The following CYB5R4 variants were observed in gnomAD, a reference collection of about 807,000 sequenced individuals.
The protein encoded by CYB5R4 is N-terminal cytochrome b5 and cytochrome b5 oxidoreductase domain-containing protein.
CYB5R4 carries 55 observed loss-of-function variants against 70.2 expected under a neutral mutation model. The ratio of observed to expected loss-of-function variants is 0.78; its 90% CI spans 0.63 to 0.98. The LOEUF is 0.98. Ranked by LOEUF, CYB5R4 falls within the 50% of genes least tolerant of loss-of-function variation. The pLI, the probability that CYB5R4 is intolerant of heterozygous loss-of-function variation, is 0.00. For missense variants in CYB5R4, 562 were observed against 612.6 expected (o/e 0.92, Z 0.87); for synonymous variants, 197 against 199.5 (o/e 0.99, Z 0.11).
At chr6:83,936,439 G>A in intron 12 of CYB5R4, 63 bp downstream of exon 12, 2 of 1,415,310 alleles carry the variant, frequency 1.4e-6, no homozygotes, top group African/African-American at 2.9e-5. Flanking sequence ...TTGTCCTCTA[G>A]TTATCTCCAT....
intron 2 of CYB5R4, among the ~76,000 whole-genome samples, chr6:83,871,626 G>C (rs1270044647): frequency 2.6e-5 from 4 of 151,970 alleles, no homozygotes; most frequent in Admixed American, 1.3e-4. Context: ...AATTTTCTTT[G>C]TGGGAAAGTT....
intron 2 of CYB5R4, among the ~76,000 whole-genome samples, chr6:83,880,344 T>G (rs1291319680): frequency 6.6e-6 from 1 of 152,222 alleles, no homozygotes; most frequent in African/African-American, 2.4e-5. Flanking sequence ...AAGGACTCAT[T>G]GGCTTTAATT....
chr6:83,865,979 C>G (rs2099456665), intron 2 of CYB5R4, among the ~76,000 whole-genome samples: 1 of 152,154 alleles, frequency 6.6e-6, no homozygotes, highest in Non-Finnish European at 1.5e-5. Flanking sequence ...CCTCTTTATC[C>G]TTCCTTCATG....
chr6:83,950,889 T>C (rs902041967), intron 14 of CYB5R4, among the ~76,000 whole-genome samples: 3 of 152,186 alleles, frequency 2.0e-5, no homozygotes, highest in African/African-American at 7.2e-5. Flanking sequence ...TATAACTACA[T>C]TTCTACTCAT....
At position 83,955,302 on chromosome 6, in the gene CYB5R4, G is replaced by T; in HGVS notation, c.1351G>T (p.Asp451Tyr). 1 of 1,609,134 alleles carries T rather than the reference G, an allele frequency of 6.2e-7. No homozygotes were observed. Among genetic ancestry groups the T allele is most frequent in the Non-Finnish European group, 8.5e-7 (1 of 1,177,212 alleles). The change falls in exon 15 of 16, where the codon GAT (aspartate) becomes TAT (tyrosine). Residue 451 changes from aspartate to tyrosine, a missense_variant. Coordinates refer to ENST00000369681, the MANE Select transcript of CYB5R4 (RefSeq NM_016230.4). ...AGCTGTTTTTCTTTTCCCTAGACTG[G>T]ATGTTGAATTTGTTCTCTCAGCACC... ...EKLAFKDKRL[D>Y]VEFVLSAPIS...
chr6:83,924,442 A>ACACAAATG (rs1318125365), intron 9 of CYB5R4, 28 bp from the exon 10 acceptor site: 1 of 1,608,568 alleles, frequency 6.2e-7, no homozygotes, highest in African/African-American at 1.3e-5. Flanking sequence ...GTATCGATGA[A>ACACAAATG]CACAAATGGA....
chr6:83,900,712 C>G (rs914673998), intron 3 of CYB5R4, among the ~76,000 whole-genome samples: 2 of 152,106 alleles, frequency 1.3e-5, no homozygotes, highest in African/African-American at 4.8e-5. Context: ...ATCCCTTTAC[C>G]ATTATGTAAT....
chr6:83,940,023 T>A, intron 12 of CYB5R4, 33 bp from the exon 13 acceptor site: 1 of 1,473,110 alleles, frequency 6.8e-7, no homozygotes, highest in East Asian at 2.3e-5. Flanking sequence ...TTGTTTTTTT[T>A]TTTTCTGATT....
intron 2 of CYB5R4, among the ~76,000 whole-genome samples, chr6:83,880,926 G>A (rs1446354695): frequency 6.6e-6 from 1 of 152,148 alleles, no homozygotes; most frequent in Non-Finnish European, 1.5e-5. Context: ...AGCTGTTTAG[G>A]AATGGGTGGT....
At chr6:83,959,700 A>T (rs542412287) in intron 15 of CYB5R4, 124 bp from the exon 16 acceptor site, 265 of 795,694 alleles carry the variant, frequency 3.3e-4, no homozygotes, top group Non-Finnish European at 4.3e-4. Context: ...TTTTTTATTT[A>T]AAAAAAACTA....
intron 10 of CYB5R4, chr6:83,929,302 T>A (rs1276905686): frequency 6.6e-6 from 1 of 152,204 alleles, no homozygotes; most frequent in East Asian, 1.9e-4. Flanking sequence ...AATTATTGAC[T>A]TTATGATAAT....
chr6:83,921,047 C>A, intron 7 of CYB5R4, 35 bp from the exon 8 acceptor site: 1 of 1,401,626 alleles, frequency 7.1e-7, no homozygotes, highest in South Asian at 1.4e-5. Context: ...GAAAATTTTA[C>A]TTTCTAATCT....
At chr6:83,944,153 T>C (rs1161388383) in intron 14 of CYB5R4, among the ~76,000 whole-genome samples, 1 of 151,646 alleles carries the variant, frequency 6.6e-6, no homozygotes, top group African/African-American at 2.4e-5. Flanking sequence ...AAGGTTGAAA[T>C]GAAGGAAAAA....
chr6:83,902,964 G>C (rs2099463226), intron 3 of CYB5R4, among the ~76,000 whole-genome samples: 2 of 151,944 alleles, frequency 1.3e-5, no homozygotes, highest in South Asian at 4.2e-4. Context: ...AATAGTATTT[G>C]TTAAAAGGGA....
chr6:83,934,134 C>T (rs1176431967), intron 10 of CYB5R4, among the ~76,000 whole-genome samples: 1 of 151,662 alleles, frequency 6.6e-6, no homozygotes, highest in Non-Finnish European at 1.5e-5. Context: ...TGGCTCATGC[C>T]TATAATCTCA....
At chr6:83,951,132 T>A (rs1318542395) in intron 14 of CYB5R4, among the ~76,000 whole-genome samples, 1 of 152,190 alleles carries the variant, frequency 6.6e-6, no homozygotes, top group Non-Finnish European at 1.5e-5. Context: ...TCCTGCAGTA[T>A]ACCATGATTT....
intron 2 of CYB5R4, among the ~76,000 whole-genome samples, chr6:83,867,919 C>T (rs2099456987): frequency 6.6e-6 from 1 of 152,234 alleles, no homozygotes; most frequent in African/African-American, 2.4e-5. Flanking sequence ...TTGAAACTGT[C>T]TGCGATTCCT....
chr6:83,951,568 AATG>A (rs1419111964), intron 14 of CYB5R4, among the ~76,000 whole-genome samples: 3 of 152,104 alleles, frequency 2.0e-5, no homozygotes, highest in Non-Finnish European at 4.4e-5. Flanking sequence ...GTTTGCTGAG[AATG>A]ATGGTTTCCA....
chr6:83,914,133 A>C (rs1212253592), intron 4 of CYB5R4, among the ~76,000 whole-genome samples: 1 of 152,206 alleles, frequency 6.6e-6, no homozygotes, highest in Non-Finnish European at 1.5e-5. Flanking sequence ...GCTCATATAG[A>C]AATTAACCAA....
Sources: gnomAD v4.1 joint callset for allele counts (sites outside exome capture counted in the v4.1 genomes callset) on GRCh38, gnomAD v4.1.1 for gene constraint, MANE v1.5 for transcripts, NCBI Gene and HGNC (gene_info 2026-07-23, HGNC 2026-07-21) for gene names.